Variants in KDM8 observed in about 807,000 individuals in gnomAD.
KDM8 encodes lysine demethylase 8, also known as bifunctional peptidase and arginyl-hydroxylase JMJD5.
A neutral mutation model predicts 46.9 loss-of-function variants in KDM8; 35 were observed. That is an observed-to-expected ratio of 0.75 (90% CI 0.57 to 0.99). The LOEUF (loss-of-function observed/expected upper bound fraction) is 0.99, where lower values mean the gene tolerates loss of function less well. Among genes scored for constraint, KDM8 ranks in the 50% least tolerant of loss-of-function variants. The pLI is 0.00. For missense variants in KDM8, 475 were observed against 537.0 expected (o/e 0.88, Z 1.14); for synonymous variants, 232 against 227.7 (o/e 1.02, Z -0.17).
intron 3 of KDM8, chr16:27,213,984 A>G (rs532136012): frequency 2.1e-5 from 10 of 477,442 alleles, no homozygotes; most frequent in African/African-American, 1.6e-4. Flanking sequence ...CGGTTTTTTA[A>G]TGAGTCCCTA....
chr16:27,217,806 C>T (rs975389885), intron 5 of KDM8, among the ~76,000 whole-genome samples: 3 of 152,002 alleles, frequency 2.0e-5, no homozygotes, highest in Admixed American at 2.0e-4. Context: ...CCTCTGGCAA[C>T]CCTGTTTTCA....
intron 3 of KDM8, chr16:27,214,586 A>G: frequency 2.7e-6 from 1 of 364,728 alleles, no homozygotes; most frequent in Non-Finnish European, 5.2e-6. Flanking sequence ...AAAATGAGCA[A>G]AGAAAGAAGT....
At chr16:27,218,852 C>T in intron 5 of KDM8, 109 bp from the exon 6 acceptor site, 3 of 1,261,736 alleles carry the variant, frequency 2.4e-6, no homozygotes, top group Non-Finnish European at 3.4e-6. Context: ...GTCTCAAACA[C>T]ACACACACAT....
chr16:27,216,993 G>C (rs1005151994), intron 5 of KDM8, among the ~76,000 whole-genome samples: 7 of 152,140 alleles, frequency 4.6e-5, no homozygotes, highest in African/African-American at 1.7e-4. Context: ...GGAGTAGAAG[G>C]CCAAGTTCAC....
chr16:27,207,908 G>A (rs2083442731), intron 1 of KDM8, among the ~76,000 whole-genome samples: 1 of 152,154 alleles, frequency 6.6e-6, no homozygotes, highest in African/African-American at 2.4e-5. Context: ...GGCCTTTGGG[G>A]AGGCCATTTC....
intron 4 of KDM8, among the ~76,000 whole-genome samples, chr16:27,215,367 AC>A (rs2083538973): frequency 6.6e-6 from 1 of 152,014 alleles, no homozygotes; most frequent in Admixed American, 6.5e-5. Context: ...ATCACTTGAA[AC>A]CAGGAGTTCA....
At chr16:27,215,852 C>A in intron 4 of KDM8, 93 bp from the exon 5 acceptor site, 1 of 1,325,978 alleles carries the variant, frequency 7.5e-7, no homozygotes, top group Non-Finnish European at 1.1e-6. Context: ...ACGGGTGCTG[C>A]AGCTGGGGCC....
In KDM8 at chr16:27,210,285, G is replaced by A; in HGVS notation, c.162G>A (p.Glu54=). 1 of 1,613,276 alleles carries A rather than the reference G, an allele frequency of 6.2e-7. No individual in the cohort carries two copies. Among genetic ancestry groups the A allele is most frequent in the Non-Finnish European group, 8.5e-7 (1 of 1,180,038 alleles). The change falls in exon 2 of 8, where the codon GAG becomes GAA. Residue 54 remains glutamate, a synonymous_variant. Transcript: ENST00000286096. ...SVVTLLQRAT[E]LFYEGRRDEC... ...TGACATTGTTGCAGCGAGCCACTGA[G>A]CTCTTCTACGAGGGCAGGAGGGACG...
intron 1 of KDM8, chr16:27,204,452 A>C: frequency 1.1e-6 from 1 of 891,658 alleles, no homozygotes; most frequent in Non-Finnish European, 1.5e-6. Context: ...CTTTCCTGGG[A>C]AGTTTTACGA....
chr16:27,219,312 C>A (rs1228127719), intron 6 of KDM8, among the ~76,000 whole-genome samples: 1 of 152,248 alleles, frequency 6.6e-6, no homozygotes, highest in Admixed American at 6.5e-5. Context: ...AGAAGCGGCT[C>A]CTCCTGCATG....
At chr16:27,210,011 A>G (rs2083464489) in intron 1 of KDM8, 82 bp from the exon 2 acceptor site, 1 of 1,402,328 alleles carries the variant, frequency 7.1e-7, no homozygotes, top group Non-Finnish European at 9.6e-7. Context: ...ATCCTCGCAG[A>G]TGAGATGCAG....
At chr16:27,211,344 A>T in intron 2 of KDM8, 2 of 382,678 alleles carry the variant, frequency 5.2e-6, no homozygotes, top group Non-Finnish European at 1.0e-5. Flanking sequence ...TTTGGATGAG[A>T]TACTACAACT....
chr16:27,208,542 A>C (rs1368591034), intron 1 of KDM8, among the ~76,000 whole-genome samples: 1 of 152,170 alleles, frequency 6.6e-6, no homozygotes, highest in East Asian at 1.9e-4. Flanking sequence ...AGCCAGTTTT[A>C]TAGTAGGGCA....
intron 5 of KDM8, among the ~76,000 whole-genome samples, chr16:27,217,890 TG>T (rs997003909): frequency 4.3e-4 from 65 of 149,806 alleles, no homozygotes; most frequent in African/African-American, 1.5e-3. Context: ...CTCGGTGGCC[TG>T]GGGGGTGTGG....
intron 5 of KDM8, chr16:27,216,225 A>C: frequency 1.7e-6 from 1 of 574,892 alleles, no homozygotes; most frequent in Non-Finnish European, 3.1e-6. Flanking sequence ...TGAAGGGAGC[A>C]GCTGTCGGAG....
chr16:27,203,917 C>T, intron 1 of KDM8: 2 of 535,408 alleles, frequency 3.7e-6, no homozygotes, highest in Admixed American at 3.8e-5. Flanking sequence ...GAGGGCAGGC[C>T]CTTACGGCGG....
chr16:27,206,532 A>G (rs2083430036), intron 1 of KDM8, among the ~76,000 whole-genome samples: 1 of 152,174 alleles, frequency 6.6e-6, no homozygotes. Flanking sequence ...TCAGCCTCCC[A>G]AAGTGCTAGG....
intron 1 of KDM8, among the ~76,000 whole-genome samples, chr16:27,209,860 T>C (rs1003033912): frequency 1.3e-5 from 2 of 152,152 alleles, no homozygotes; most frequent in African/African-American, 4.8e-5. Context: ...CAATACACGT[T>C]CCTTTCTGAA....
At chr16:27,215,858 G>T in intron 4 of KDM8, 87 bp from the exon 5 acceptor site, 2 of 1,374,310 alleles carry the variant, frequency 1.5e-6, no homozygotes, top group Non-Finnish European at 2.1e-6. Context: ...GCTGCAGCTG[G>T]GGCCAGCTGG....
Sources: allele counts gnomAD v4.1 joint callset (sites outside exome capture counted in the v4.1 genomes callset), GRCh38; gene constraint gnomAD v4.1.1; transcripts MANE v1.5; gene names NCBI Gene and HGNC (gene_info 2026-07-23, HGNC 2026-07-21).